The following ZNF618 variants were observed in gnomAD, a reference collection of about 807,000 sequenced individuals.
ZNF618 encodes the protein neural precursor cell expressed, developmentally down-regulated 10.
ZNF618 carries 34 observed loss-of-function variants against 103.0 expected under a neutral mutation model. That is an observed-to-expected ratio of 0.33 (90% CI 0.25 to 0.44). The LOEUF is 0.44. ZNF618 is among the 20% of genes least tolerant of loss of function. The pLI is 1.00. For missense variants in ZNF618, 1,059 were observed against 1,295.4 expected (o/e 0.82, Z 2.80); for synonymous variants, 551 against 542.2 (o/e 1.02, Z -0.23).
chr9:114,044,997 T>C (rs1267193449), intron 13 of ZNF618, among the ~76,000 whole-genome samples: 1 of 152,134 alleles, frequency 6.6e-6, no homozygotes, highest in Non-Finnish European at 1.5e-5. Context: ...TTTAGGGTTT[T>C]CTAGGTATAT....
intron 3 of ZNF618, among the ~76,000 whole-genome samples, chr9:113,990,132 T>G (rs2133341272): frequency 6.6e-6 from 1 of 152,350 alleles, no homozygotes; most frequent in African/African-American, 2.4e-5. Context: ...CCATTTCCAC[T>G]TGCCCAAATC....
intron 10 of ZNF618, among the ~76,000 whole-genome samples, chr9:114,017,712 C>T (rs766383575): frequency 3.0e-4 from 46 of 152,236 alleles, no homozygotes; most frequent in Non-Finnish European, 5.1e-4. Context: ...GATGGGAAGA[C>T]TTTGGTCCAA....
chr9:113,979,391 A>G (rs1017440191), intron 2 of ZNF618, among the ~76,000 whole-genome samples: 1 of 152,186 alleles, frequency 6.6e-6, no homozygotes, highest in African/African-American at 2.4e-5. Flanking sequence ...AGTGTGTTAC[A>G]TTTTAGAAAT....
At chr9:113,969,059 A>C (rs749693744) in intron 1 of ZNF618, 58 bp from the exon 2 acceptor site, 17 of 1,599,164 alleles carry the variant, frequency 1.1e-5, no homozygotes, top group Non-Finnish European at 1.5e-5. Flanking sequence ...GGGTGGCAGC[A>C]GGTCAAATCT....
intron 1 of ZNF618, among the ~76,000 whole-genome samples, chr9:113,951,209 CCT>C (rs910928165): frequency 6.6e-6 from 1 of 150,624 alleles, no homozygotes; most frequent in Admixed American, 6.6e-5. Flanking sequence ...GGTCGCTTAA[CCT>C]CTCTGTGCTT....
At chr9:114,013,611 T>G (rs903559675) in intron 9 of ZNF618, among the ~76,000 whole-genome samples, 3 of 152,164 alleles carry the variant, frequency 2.0e-5, no homozygotes, top group Non-Finnish European at 4.4e-5. Flanking sequence ...TTTTATATTT[T>G]TAGTAGAGAC....
In ZNF618 at chr9:114,029,356, C is replaced by T. The variant is rs185523422; in HGVS notation, c.1084+384C>T. On this transcript the variant is annotated intron_variant, in intron 11 of 14. Transcript: ENST00000374126. ...AAATTTTATGTAAAACTTTTGATTT[C>T]TACCTGACATTGAAAAGTCAAACCT... is the stretch of plus-strand genomic sequence containing the variant. Among the ~76,000 whole-genome samples, 95 of 152,242 alleles carry T rather than the reference C, an allele frequency of 6.2e-4. 1 individual carries two copies. Among genetic ancestry groups the T allele is most frequent in the Middle Eastern group, 6.8e-3 (2 of 294 alleles).
At chr9:113,922,744 A>C (rs1832759542) in intron 1 of ZNF618, among the ~76,000 whole-genome samples, 1 of 152,022 alleles carries the variant, frequency 6.6e-6, no homozygotes, top group Non-Finnish European at 1.5e-5. Flanking sequence ...TCAATCCTCC[A>C]ACTTTATTGT....
intron 1 of ZNF618, among the ~76,000 whole-genome samples, chr9:113,880,457 TG>T (rs1287619159): frequency 1.3e-5 from 2 of 152,176 alleles, no homozygotes; most frequent in African/African-American, 4.8e-5. Context: ...TATGGCTGCC[TG>T]GATCACTGTG....
intron 1 of ZNF618, among the ~76,000 whole-genome samples, chr9:113,927,123 A>T (rs1564179940): frequency 1.3e-5 from 2 of 152,204 alleles, no homozygotes; most frequent in Non-Finnish European, 2.9e-5. Flanking sequence ...AACATGCCTT[A>T]TAATTTTTTG....
intron 1 of ZNF618, among the ~76,000 whole-genome samples, chr9:113,907,600 A>C (rs971183781): frequency 1.1e-4 from 17 of 152,084 alleles, no homozygotes; most frequent in African/African-American, 4.1e-4. Context: ...ACACCTCCAC[A>C]CCACCTCTTT....
At chr9:113,973,222 G>T (rs1358220259) in intron 2 of ZNF618, among the ~76,000 whole-genome samples, 1 of 152,150 alleles carries the variant, frequency 6.6e-6, no homozygotes, top group African/African-American at 2.4e-5. Flanking sequence ...GAAATGAAGG[G>T]CCTGAAGTTC....
At chr9:113,957,213 A>C (rs1313579129) in intron 1 of ZNF618, among the ~76,000 whole-genome samples, 1 of 152,224 alleles carries the variant, frequency 6.6e-6, no homozygotes, top group African/African-American at 2.4e-5. Context: ...TAATGACATC[A>C]TCCAGATCTG....
At chr9:113,949,098 G>T (rs761712809) in intron 1 of ZNF618, among the ~76,000 whole-genome samples, 2 of 152,230 alleles carry the variant, frequency 1.3e-5, no homozygotes, top group African/African-American at 2.4e-5. Flanking sequence ...TAGATGAAAT[G>T]GGTGACGGAA....
At chr9:113,998,971 G>A (rs556026621) in intron 4 of ZNF618, among the ~76,000 whole-genome samples, 19 of 152,392 alleles carry the variant, frequency 1.2e-4, no homozygotes, top group African/African-American at 4.6e-4. Context: ...GTTCCCCTGA[G>A]GGGTGTACAG....
intron 1 of ZNF618, among the ~76,000 whole-genome samples, chr9:113,923,395 T>G (rs1832814786): frequency 6.6e-6 from 1 of 152,194 alleles, no homozygotes; most frequent in Non-Finnish European, 1.5e-5. Context: ...GACATTTAGT[T>G]TCTCTCCGTT....
In ZNF618 at chr9:114,052,669, T is replaced by G. The variant is rs1337517001; in HGVS notation, c.*2502T>G. 6.6e-6 allele frequency: 1 copy of G among 152,226 alleles called. No individual in the cohort carries two copies. Among genetic ancestry groups the G allele is most frequent in the Non-Finnish European group, 1.5e-5 (1 of 68,046 alleles). The allele number at this position is 152,226 out of a possible 1,614,324, so 9.4% of individuals were successfully genotyped here. A position where few individuals can be genotyped will look rare whatever the true frequency, so the allele number is the denominator to read the frequency against. On this transcript the variant is annotated 3_prime_UTR_variant, in exon 15 of 15. Transcript: ENST00000374126. Reference sequence around the variant, plus strand: ...CTTTGACCCACACAAGGATAGGAGCTGCCTACTTTGTGTGGTAGGTGAGAG... The same window carrying G: ...CTTTGACCCACACAAGGATAGGAGCGGCCTACTTTGTGTGGTAGGTGAGAG...
intron 1 of ZNF618, among the ~76,000 whole-genome samples, chr9:113,902,458 AT>A (rs1301560685): frequency 6.6e-6 from 1 of 151,504 alleles, no homozygotes; most frequent in Non-Finnish European, 1.5e-5. Flanking sequence ...TTTTATCCCC[AT>A]TTTCTCCAAC....
At chr9:114,030,079 G>A (rs1843873253) in intron 11 of ZNF618, among the ~76,000 whole-genome samples, 1 of 152,198 alleles carries the variant, frequency 6.6e-6, no homozygotes, top group African/African-American at 2.4e-5. Context: ...GATGATCAAG[G>A]TGAGAACTCA....
Sources: allele counts gnomAD v4.1 joint callset (sites outside exome capture counted in the v4.1 genomes callset), GRCh38; gene constraint gnomAD v4.1.1; transcripts MANE v1.5; gene names NCBI Gene and HGNC (gene_info 2026-07-23, HGNC 2026-07-21).